SLC4A4: variants seen among roughly 807,000 people sequenced by gnomAD.
The protein encoded by SLC4A4 is solute carrier family 4 member 4.
A neutral mutation model predicts 111.5 loss-of-function variants in SLC4A4; 27 were observed. That is an observed-to-expected ratio of 0.24 (90% CI 0.18 to 0.33). SLC4A4 has a LOEUF of 0.33. Ranked by LOEUF, SLC4A4 falls within the 10% of genes least tolerant of loss-of-function variation. The pLI, the probability that SLC4A4 is intolerant of heterozygous loss-of-function variation, is 1.00. For synonymous variants in SLC4A4, 443 were observed against 463.4 expected (o/e 0.96, Z 0.57); for missense variants, 909 against 1,315.5 (o/e 0.69, Z 4.78).
intron 3 of SLC4A4, among the ~76,000 whole-genome samples, chr4:71,321,793 A>G (rs905714710): frequency 1.5e-4 from 23 of 151,984 alleles, no homozygotes; most frequent in Admixed American, 6.6e-5. Flanking sequence ...TGACCTCCCA[A>G]TCCTACCACG....
chr4:71,376,212 T>C (rs79330111), intron 6 of SLC4A4, among the ~76,000 whole-genome samples: 3,143 of 151,106 alleles, frequency 0.021, 116 homozygotes, highest in East Asian at 0.13. Flanking sequence ...TGTGTATATA[T>C]ATTTTTTGAG....
intron 6 of SLC4A4, among the ~76,000 whole-genome samples, chr4:71,376,800 C>A (rs1308673209): frequency 1.3e-5 from 2 of 151,532 alleles, no homozygotes; most frequent in Non-Finnish European, 2.9e-5. Context: ...CCATGCCCAG[C>A]TAATTTTTGT....
chr4:71,146,898 T>G (rs1292721871), intron 2 of SLC4A4, among the ~76,000 whole-genome samples: 2 of 151,718 alleles, frequency 1.3e-5, no homozygotes, highest in South Asian at 4.2e-4. Flanking sequence ...ATACTAACCT[T>G]AAATGTAAAT....
At chr4:71,300,550 A>G (rs1725159938) in intron 3 of SLC4A4, 1 of 256,204 alleles carries the variant, frequency 3.9e-6, no homozygotes, top group Non-Finnish European at 8.0e-6. Flanking sequence ...TAGATTCAGG[A>G]GCACACCAAA....
intron 6 of SLC4A4, among the ~76,000 whole-genome samples, chr4:71,373,922 A>G (rs1233246024): frequency 1.3e-5 from 2 of 152,316 alleles, no homozygotes; most frequent in African/African-American, 4.8e-5. Context: ...CAGGAAGATC[A>G]TAGGAAACCA....
At chr4:71,362,717 T>C (rs992761025) in intron 6 of SLC4A4, among the ~76,000 whole-genome samples, 1 of 152,132 alleles carries the variant, frequency 6.6e-6, no homozygotes, top group African/African-American at 2.4e-5. Flanking sequence ...TGGTTTTATC[T>C]TTTGCTAAAT....
At chr4:71,063,165 A>G (rs1741431167) in intron 1 of SLC4A4, among the ~76,000 whole-genome samples, 1 of 152,200 alleles carries the variant, frequency 6.6e-6, no homozygotes, top group African/African-American at 2.4e-5. Flanking sequence ...AGAGAAATGG[A>G]ATTTTCTATT....
chr4:71,138,959 C>T (rs1743920548), intron 2 of SLC4A4, among the ~76,000 whole-genome samples: 1 of 147,306 alleles, frequency 6.8e-6, no homozygotes, highest in African/African-American at 2.6e-5. Context: ...CGGTGTGAAC[C>T]CGGGAGGCGG....
chr4:71,535,738 G>A (rs570463919), intron 18 of SLC4A4, among the ~76,000 whole-genome samples: 17 of 152,058 alleles, frequency 1.1e-4, no homozygotes, highest in Admixed American at 4.6e-4. Flanking sequence ...CTGGAGGTCG[G>A]CATATTTAGT....
At chr4:71,291,605 A>T (rs1724359351) in intron 3 of SLC4A4, among the ~76,000 whole-genome samples, 1 of 152,148 alleles carries the variant, frequency 6.6e-6, no homozygotes, top group African/African-American at 2.4e-5. Flanking sequence ...ACAGCTGGCT[A>T]AATTTTTGTC....
At chr4:71,117,572 T>C (rs1743302190) in intron 2 of SLC4A4, among the ~76,000 whole-genome samples, 1 of 152,182 alleles carries the variant, frequency 6.6e-6, no homozygotes, top group Non-Finnish European at 1.5e-5. Context: ...CTCTCTTTCC[T>C]CTAGAGACTT....
At chr4:71,317,585 T>G (rs1377543773) in intron 3 of SLC4A4, among the ~76,000 whole-genome samples, 3 of 152,142 alleles carry the variant, frequency 2.0e-5, no homozygotes, top group Admixed American at 2.0e-4. Context: ...AGCATTGTTA[T>G]TATCAAGATT....
intron 1 of SLC4A4, among the ~76,000 whole-genome samples, chr4:71,205,707 TTGAA>T (rs1005717638): frequency 1.1e-4 from 16 of 152,156 alleles, no homozygotes; most frequent in African/African-American, 3.9e-4. Context: ...CCTCCAAAAT[TTGAA>T]TGAAAATAAA....
rs116512030 is a variant in SLC4A4 at position 71,388,002 on chromosome 4, A to T, written c.731-9575A>T. Reference sequence around the variant, plus strand: ...ATCCTCTTTACCTTGGCTTAGGGACATTTACTGAAAATCACTCTGGGTCAG... The same window carrying T: ...ATCCTCTTTACCTTGGCTTAGGGACTTTTACTGAAAATCACTCTGGGTCAG... On this transcript the variant is annotated intron_variant, in intron 6 of 25. Coordinates refer to ENST00000264485, the MANE Select transcript of SLC4A4 (RefSeq NM_001098484.3). 2.2e-3 allele frequency among the ~76,000 whole-genome samples: 342 copies of T among 152,280 alleles called. 2 individuals carry two copies. The highest frequency in any genetic ancestry group is 7.9e-3 in the African/African-American group (327 of 41,564).
At chr4:71,089,745 C>T (rs529672054) in intron 1 of SLC4A4, among the ~76,000 whole-genome samples, 25 of 152,020 alleles carry the variant, frequency 1.6e-4, no homozygotes, top group Admixed American at 6.6e-4. Flanking sequence ...GCTGCCTGAT[C>T]GTTCGTCTGG....
intron 2 of SLC4A4, among the ~76,000 whole-genome samples, chr4:71,250,759 AT>A (rs564235424): frequency 4.7e-4 from 71 of 152,304 alleles, no homozygotes; most frequent in African/African-American, 1.7e-3. Context: ...TATGATATAA[AT>A]ATAGTATGTT....
intron 3 of SLC4A4, among the ~76,000 whole-genome samples, chr4:71,326,737 G>A (rs1418452615): frequency 1.3e-5 from 2 of 151,994 alleles, no homozygotes; most frequent in Non-Finnish European, 2.9e-5. Flanking sequence ...TTAGGTCTGA[G>A]CACCTGAGCT....
chr4:71,082,183 G>A (rs574540349), intron 1 of SLC4A4, among the ~76,000 whole-genome samples: 7 of 151,918 alleles, frequency 4.6e-5, no homozygotes, highest in Non-Finnish European at 1.0e-4. Context: ...AGTTTATTCC[G>A]ATAGATTCTG....
At chr4:71,533,988 A>G (rs1333531466) in intron 17 of SLC4A4, among the ~76,000 whole-genome samples, 3 of 152,050 alleles carry the variant, frequency 2.0e-5, no homozygotes, top group Non-Finnish European at 1.5e-5. Context: ...GCAAAATGCC[A>G]TTCACTTATT....
Sources: allele counts gnomAD v4.1 joint callset (sites outside exome capture counted in the v4.1 genomes callset), GRCh38; gene constraint gnomAD v4.1.1; transcripts MANE v1.5; gene names NCBI Gene and HGNC (gene_info 2026-07-23, HGNC 2026-07-21).